The following STK32C variants were observed in gnomAD, a reference collection of about 807,000 sequenced individuals.
The protein encoded by STK32C is serine/threonine kinase 32C.
Under a neutral mutation model 56.5 loss-of-function variants are expected in STK32C, and 31 were observed. The observed-to-expected ratio is 0.55, with a 90% CI of 0.41 to 0.74. The LOEUF is 0.74. Ranked by LOEUF, STK32C falls within the 30% of genes least tolerant of loss-of-function variation. The pLI is 0.00. For missense variants in STK32C, 544 were observed against 676.9 expected (o/e 0.80, Z 2.18); for synonymous variants, 309 against 289.4 (o/e 1.07, Z -0.69).
At chr10:132,282,493 GCGCC>G (rs2065246110) in intron 1 of STK32C, among the ~76,000 whole-genome samples, 1 of 125,600 alleles carries the variant, frequency 8.0e-6, no homozygotes, top group African/African-American at 2.8e-5. Flanking sequence ...ACCTGTGCCT[GCGCC>G]CACCTGTGCC....
At position 132,307,887 on chromosome 10, in the gene STK32C, G is replaced by T; in HGVS notation, c.-54C>A. On this transcript the variant is annotated 5_prime_UTR_variant, in exon 1 of 12. It adds an upstream start codon to the 5' untranslated region. Coordinates refer to ENST00000298630, the MANE Select transcript of STK32C (RefSeq NM_173575.4). The surrounding 1 kb of genome is among the most constrained non-coding windows in gnomAD (Gnocchi z 4.4). ...GAACTCGGGGCATGGCCGGCCGGCA[G>T]GGCCGGGAGCGGCAGTGGTAGCGGG... is the stretch of plus-strand genomic sequence containing the variant. 1 of 1,137,494 alleles carries T rather than the reference G, an allele frequency of 8.8e-7. No homozygotes were observed. The highest frequency in any genetic ancestry group is 1.9e-5 in the South Asian group (1 of 52,180). The allele number at this position is 1,137,494 out of a possible 1,614,324, so 70.5% of individuals were successfully genotyped here.
At chr10:132,228,152 CAGGACGCCTG>C (rs754035141) in intron 2 of STK32C, 24 bp from the exon 3 acceptor site, 329 of 1,613,848 alleles carry the variant, frequency 2.0e-4, no homozygotes, top group Non-Finnish European at 2.6e-4. Flanking sequence ...GGCTGTTCGG[CAGGACGCCTG>C]AGGACGCCTG....
chr10:132,308,382 CT>C (rs2066150559), upstream of STK32C, among the ~76,000 whole-genome samples: 1 of 152,208 alleles, frequency 6.6e-6, no homozygotes, highest in African/African-American at 2.4e-5. Flanking sequence ...CCTCCCCTGC[CT>C]TCTTCGTGAA....
At chr10:132,302,458 C>T (rs2065935870) in intron 1 of STK32C, among the ~76,000 whole-genome samples, 1 of 152,206 alleles carries the variant, frequency 6.6e-6, no homozygotes, top group Non-Finnish European at 1.5e-5. Flanking sequence ...CCCCAGGACA[C>T]CCGGTGCTGG....
chr10:132,284,810 C>CCA (rs2065344028), intron 1 of STK32C, among the ~76,000 whole-genome samples: 1 of 144,770 alleles, frequency 6.9e-6, no homozygotes, highest in Non-Finnish European at 1.5e-5. Context: ...GAACACATTC[C>CCA]CACGTCTGCC....
intron 1 of STK32C, among the ~76,000 whole-genome samples, chr10:132,304,139 A>G (rs1304393675): frequency 6.6e-6 from 1 of 152,250 alleles, no homozygotes; most frequent in Non-Finnish European, 1.5e-5. Flanking sequence ...AACGATGTTC[A>G]TCAATACGTC....
intron 1 of STK32C, among the ~76,000 whole-genome samples, chr10:132,281,178 G>GACACACACACACAC (rs10556901): frequency 1.3e-5 from 2 of 149,330 alleles, no homozygotes; most frequent in African/African-American, 2.5e-5. Flanking sequence ...GATCCTCGTG[G>GACACACACACACAC]ACACACACAC....
At chr10:132,218,847 T>C (rs2062547347) in intron 10 of STK32C, among the ~76,000 whole-genome samples, 1 of 152,248 alleles carries the variant, frequency 6.6e-6, no homozygotes, top group Non-Finnish European at 1.5e-5. Flanking sequence ...AGGTGATACA[T>C]ATGTGGAATA....
chr10:132,294,679 G>A lies in STK32C; in HGVS notation c.262+12893C>T, dbSNP rs572801914. Among the ~76,000 whole-genome samples the A allele has an allele frequency of 4.6e-5, 7 of 152,156 alleles. No individual in the cohort carries two copies. In the East Asian group the frequency reaches 1.2e-3, roughly 25 times the overall value. ...TACACAGCTATCAGCCATTGACCTC[G>A]CACCATCTACAGCCAACAGCTCAGC... On this transcript the variant is annotated intron_variant, in intron 1 of 11. Coordinates refer to ENST00000298630, the MANE Select transcript of STK32C (RefSeq NM_173575.4).
chr10:132,291,406 A>G (rs2065559546), intron 1 of STK32C, among the ~76,000 whole-genome samples: 2 of 152,072 alleles, frequency 1.3e-5, no homozygotes, highest in Admixed American at 1.3e-4. Flanking sequence ...CTTTCTGAGG[A>G]CCCAGGAGCC....
At chr10:132,311,952 A>G (rs1205217579), upstream of STK32C, among the ~76,000 whole-genome samples, 1 of 151,912 alleles carries the variant, frequency 6.6e-6, no homozygotes, top group African/African-American at 2.4e-5. This position sits in a 1 kb window ranked among gnomAD's most constrained non-coding sequence, Gnocchi z 4.4. Context: ...GATTCACCAC[A>G]CCCTACAGCC....
At chr10:132,284,741 G>A (rs1375845101) in intron 1 of STK32C, among the ~76,000 whole-genome samples, 1 of 150,506 alleles carries the variant, frequency 6.6e-6, no homozygotes. Context: ...CGTGCCCAAA[G>A]ACCAGGCATG....
At chr10:132,213,223 C>T (rs545795179) in intron 10 of STK32C, among the ~76,000 whole-genome samples, 30 of 152,234 alleles carry the variant, frequency 2.0e-4, no homozygotes, top group South Asian at 4.1e-4. Flanking sequence ...GCCTGTACCC[C>T]GCTTTAGCCT....
intron 1 of STK32C, among the ~76,000 whole-genome samples, chr10:132,286,146 A>T (rs781717306): frequency 6.6e-6 from 1 of 152,110 alleles, no homozygotes; most frequent in Non-Finnish European, 1.5e-5. Context: ...AAAGGAAAAT[A>T]ATACAACTTC....
intron 2 of STK32C, among the ~76,000 whole-genome samples, chr10:132,239,538 G>A (rs1010723744): frequency 7.2e-5 from 11 of 152,246 alleles, no homozygotes; most frequent in African/African-American, 2.4e-4. Context: ...CTTGGCCGCC[G>A]CAGAGGGCTC....
intron 10 of STK32C, among the ~76,000 whole-genome samples, chr10:132,221,604 T>G (rs1018325864): frequency 1.3e-4 from 18 of 138,392 alleles, no homozygotes; most frequent in African/African-American, 5.1e-4. Flanking sequence ...TGGGTGAGTG[T>G]GAGGGCTTCA....
intron 1 of STK32C, among the ~76,000 whole-genome samples, chr10:132,300,062 G>A (rs548943903): frequency 6.6e-5 from 10 of 152,230 alleles, no homozygotes; most frequent in Admixed American, 2.6e-4. Flanking sequence ...TGCGTGCAAC[G>A]CCCGTGCTAG....
chr10:132,258,353 AC>A (rs1228114383), intron 1 of STK32C, among the ~76,000 whole-genome samples: 1 of 152,220 alleles, frequency 6.6e-6, no homozygotes, highest in African/African-American at 2.4e-5. Context: ...CATCAACAGC[AC>A]TCGAAGAGTT....
intron 10 of STK32C, 63 bp from the exon 11 acceptor site, chr10:132,209,164 C>A: frequency 6.8e-7 from 1 of 1,478,258 alleles, no homozygotes. Flanking sequence ...CATGTCCCCT[C>A]AAGTGAGTGT....
Sources: allele counts gnomAD v4.1 joint callset (sites outside exome capture counted in the v4.1 genomes callset), GRCh38; gene constraint gnomAD v4.1.1; non-coding constraint Gnocchi (gnomAD v3.1); transcripts MANE v1.5; gene names NCBI Gene and HGNC (gene_info 2026-07-23, HGNC 2026-07-21).